Variants in IQSEC1 observed in about 807,000 individuals in gnomAD.
IQSEC1 encodes the protein IQ motif and SEC7 domain-containing protein 1.
Under a neutral mutation model 91.0 loss-of-function variants are expected in IQSEC1, and 31 were observed. That is an observed-to-expected ratio of 0.34 (90% confidence interval 0.26 to 0.46). The LOEUF (loss-of-function observed/expected upper bound fraction) is 0.46, where lower values mean the gene tolerates loss of function less well. Among genes scored for constraint, IQSEC1 ranks in the 20% least tolerant of loss-of-function variants. The pLI is 1.00. For missense variants in IQSEC1, 1,388 were observed against 1,575.6 expected, an observed-to-expected ratio of 0.88 and a Z score of 2.02; for synonymous variants, 699 against 662.6, an observed-to-expected ratio of 1.05 and a Z score of -0.84.
intron 1 of IQSEC1, among the ~76,000 whole-genome samples, chr3:13,175,051 G>A (rs1693700671): frequency 6.6e-6 from 1 of 152,036 alleles, no homozygotes; most frequent in African/African-American, 2.4e-5. Context: ...CTGACCACCT[G>A]CCTCACACAT....
rs1171586685 is a variant in IQSEC1 at position 12,970,959 on chromosome 3, T to G, written c.24-29094A>C. Among the ~76,000 whole-genome samples the G allele has an allele frequency of 6.6e-6, 1 of 152,238 alleles. No individual in the cohort carries two copies. The highest frequency in any genetic ancestry group is 1.5e-5 in the Non-Finnish European group (1 of 68,042). ...TTCGACAGCTGAATACGCCAAAGGTTGGTAAACTATGGCCTGAGAGCCAAG... is the reference window on the plus strand; with the variant it reads ...TTCGACAGCTGAATACGCCAAAGGTGGGTAAACTATGGCCTGAGAGCCAAG... On this transcript the variant is annotated intron_variant, in intron 1 of 13. Coordinates refer to ENST00000613206, the MANE Select transcript of IQSEC1 (RefSeq NM_001134382.3). The surrounding 1 kb of genome is among the most constrained non-coding windows in gnomAD (Gnocchi z 4.4).
At position 12,900,326 on chromosome 3, in the gene IQSEC1, T is replaced by C. The variant is rs540487869; in HGVS notation, c.*657A>G. 6 of 984,574 alleles carry C rather than the reference T, an allele frequency of 6.1e-6. No individual in the cohort carries two copies. The highest frequency in any genetic ancestry group is 6.2e-5 in the Admixed American group (1 of 16,260). The allele number at this position is 984,574 out of a possible 1,614,324, so 61.0% of individuals were successfully genotyped here. On this transcript the variant is annotated 3_prime_UTR_variant, in exon 14 of 14. Transcript: ENST00000613206. Reference sequence around the variant, plus strand: ...TTTGTTCCTAGCATTTAGGGTTTGGTCTATTGTCTCACACACCCAGCTAAG... The same window carrying C: ...TTTGTTCCTAGCATTTAGGGTTTGGCCTATTGTCTCACACACCCAGCTAAG...
chr3:12,927,639 C>T (rs1447676545), intron 3 of IQSEC1, among the ~76,000 whole-genome samples: 1 of 152,238 alleles, frequency 6.6e-6, no homozygotes, highest in East Asian at 1.9e-4. Context: ...GCTCAGAGCA[C>T]AGAGGGAAGA....
intron 1 of IQSEC1, among the ~76,000 whole-genome samples, chr3:13,064,001 TAA>T (rs3045648): frequency 0.43 from 58,366 of 134,696 alleles, 12,832 homozygotes; most frequent in East Asian, 0.67. Flanking sequence ...TTTGCAGTTG[TAA>T]AAAAAAAAAA....
intron 1 of IQSEC1, among the ~76,000 whole-genome samples, chr3:13,234,130 T>C (rs1186672004): frequency 6.6e-6 from 1 of 152,212 alleles, no homozygotes. Context: ...TTGGCACAGA[T>C]TGTGCCTGTG....
chr3:13,233,947 T>C (rs1694877260), intron 1 of IQSEC1, among the ~76,000 whole-genome samples: 1 of 152,188 alleles, frequency 6.6e-6, no homozygotes, highest in Non-Finnish European at 1.5e-5. Context: ...GTGCAAACTG[T>C]TCAGACAAGA....
chr3:12,977,368 G>A (rs1701233048), intron 1 of IQSEC1, among the ~76,000 whole-genome samples: 3 of 148,290 alleles, frequency 2.0e-5, no homozygotes, highest in South Asian at 2.1e-4. Flanking sequence ...AAAAAAAAGC[G>A]CTATCCCGTT....
intron 1 of IQSEC1, among the ~76,000 whole-genome samples, chr3:13,268,513 C>A (rs1300321136): frequency 6.6e-6 from 1 of 152,160 alleles, no homozygotes; most frequent in Non-Finnish European, 1.5e-5. Context: ...TGAGGCTCCC[C>A]TATCAGAAGG....
chr3:13,130,333 G>C lies in IQSEC1; in HGVS notation c.302+33771C>G, dbSNP rs1381041370. Reference sequence around the variant, plus strand: ...CACTGCAGCCTGGGCGACAGAACGAGACTCTGTCAAAAAAAAAAAAAAAAA... The same window carrying C: ...CACTGCAGCCTGGGCGACAGAACGACACTCTGTCAAAAAAAAAAAAAAAAA... On this transcript the variant is annotated intron_variant, in intron 2 of 15. Coordinates refer to the IQSEC1 transcript ENST00000648114. 1.9e-4 allele frequency among the ~76,000 whole-genome samples: 23 copies of C among 120,064 alleles called. No individual in the cohort carries two copies. In the South Asian group the frequency reaches 5.1e-3, roughly 26 times the overall value. 78.8% of individuals were successfully genotyped at this position (120,064 alleles called of 152,430 possible). A position where few individuals can be genotyped will look rare whatever the true frequency, so the allele number is the denominator to read the frequency against.
At chr3:13,027,848 A>G (rs576355936) in intron 1 of IQSEC1, among the ~76,000 whole-genome samples, 39 of 152,354 alleles carry the variant, frequency 2.6e-4, no homozygotes, top group Non-Finnish European at 5.1e-4. Flanking sequence ...TTCAGATATC[A>G]GAAATCCAGG....
chr3:13,277,886 C>T (rs531215641), intron 1 of IQSEC1, among the ~76,000 whole-genome samples: 1 of 152,146 alleles, frequency 6.6e-6, no homozygotes, highest in African/African-American at 2.4e-5. Context: ...CCGCCCCTGG[C>T]CCAGCATTGG....
At chr3:13,143,980 C>G (rs914876873) in intron 2 of IQSEC1, among the ~76,000 whole-genome samples, 1 of 152,166 alleles carries the variant, frequency 6.6e-6, no homozygotes, top group South Asian at 2.1e-4. Context: ...AAAGGGAGAG[C>G]CCTGCAGCTG....
chr3:13,196,053 A>C (rs1448345826), intron 1 of IQSEC1, among the ~76,000 whole-genome samples: 2 of 152,160 alleles, frequency 1.3e-5, no homozygotes, highest in Non-Finnish European at 2.9e-5. Context: ...TTTTTTACAA[A>C]AGAGGCAATA....
At chr3:13,180,404 C>G (rs954911932) in intron 1 of IQSEC1, among the ~76,000 whole-genome samples, 11 of 151,850 alleles carry the variant, frequency 7.2e-5, no homozygotes, top group African/African-American at 2.4e-4. Context: ...CTAGTGGGGA[C>G]GTGGAGAACC....
chr3:13,206,142 C>T (rs1182360184), intron 1 of IQSEC1, among the ~76,000 whole-genome samples: 3 of 151,456 alleles, frequency 2.0e-5, no homozygotes, highest in South Asian at 2.1e-4. Context: ...TCAATCCCTC[C>T]ATCCACCTAT....
intron 1 of IQSEC1, among the ~76,000 whole-genome samples, chr3:12,991,061 C>T (rs994712352): frequency 6.6e-6 from 1 of 152,330 alleles, no homozygotes; most frequent in South Asian, 2.1e-4. Flanking sequence ...GATGGCCCCA[C>T]TGAATAGCCC....
intron 1 of IQSEC1, among the ~76,000 whole-genome samples, chr3:13,067,161 G>C (rs1705263067): frequency 6.6e-6 from 1 of 152,196 alleles, no homozygotes; most frequent in Non-Finnish European, 1.5e-5. Context: ...AGAGACCAAG[G>C]GGCAGGATAT....
In IQSEC1 at chr3:12,909,208, C is replaced by A; in HGVS notation, c.2578+65G>T. On this transcript the variant is annotated intron_variant, in intron 11 of 13. Transcript: ENST00000613206. The surrounding 1 kb of genome is among the most constrained non-coding windows in gnomAD (Gnocchi z 4.9). ...GTGAGCTCAGAAGTCACTGCCCTGA[C>A]ATGGGGAGGCAAGTGCCAGAGTCTG... 6.5e-7 allele frequency: 1 copy of A among 1,550,208 alleles called. No individual in the cohort carries two copies. Among genetic ancestry groups the A allele is most frequent in the Non-Finnish European group, 8.9e-7 (1 of 1,129,876 alleles).
At position 13,160,930 on chromosome 3, in the gene IQSEC1, AG is replaced by A. The variant is rs567042586; in HGVS notation, c.302+3173del. On this transcript the variant is annotated intron_variant, in intron 2 of 15. Transcript: ENST00000648114. Reference sequence around the variant, plus strand: ...TGCTTAAGTCATTTGGACACAAAGCAGAAGGGACTGGGATATCAAAAGTGAA... The same window carrying A: ...TGCTTAAGTCATTTGGACACAAAGCAAAGGGACTGGGATATCAAAAGTGAA... Among the ~76,000 whole-genome samples the A allele has an allele frequency of 6.6e-5, 10 of 152,362 alleles. No homozygotes were observed. In the East Asian group the frequency reaches 1.9e-3, roughly 29 times the overall value.
Sources: gnomAD v4.1 joint callset for allele counts (sites outside exome capture counted in the v4.1 genomes callset) on GRCh38, gnomAD v4.1.1 for gene constraint, Gnocchi (gnomAD v3.1) non-coding constraint, MANE v1.5 for transcripts, NCBI Gene and HGNC (gene_info 2026-07-23, HGNC 2026-07-21) for gene names.